The following SIRT2 variants were observed in gnomAD, a reference collection of about 807,000 sequenced individuals.
SIRT2 encodes the protein NAD-dependent protein deacetylase sirtuin-2.
Under a neutral mutation model 57.4 loss-of-function variants are expected in SIRT2, and 40 were observed. That is an observed-to-expected ratio of 0.70 (90% CI 0.54 to 0.91). The LOEUF (loss-of-function observed/expected upper bound fraction) is 0.91. Ranked by LOEUF, SIRT2 falls within the 40% of genes least tolerant of loss-of-function variation. The pLI, the probability that SIRT2 is intolerant of heterozygous loss-of-function variation, is 0.00. For synonymous variants in SIRT2, 161 were observed against 195.7 expected, an observed-to-expected ratio of 0.82 and a Z score of 1.48; for missense variants, 439 against 510.4, an observed-to-expected ratio of 0.86 and a Z score of 1.35.
intron 8 of SIRT2, among the ~76,000 whole-genome samples, chr19:38,886,383 CA>C (rs1973337759): frequency 2.0e-5 from 3 of 151,952 alleles, no homozygotes; most frequent in Admixed American, 6.6e-5. Flanking sequence ...GAACAGTAAG[CA>C]AATAACTGAA....
In SIRT2 at chr19:38,884,455, TG is replaced by T. The variant is rs1203111700; in HGVS notation, c.502-700del. 1.4e-3 allele frequency among the ~76,000 whole-genome samples: 220 copies of T among 152,044 alleles called. 1 individual carries two copies. The highest frequency in any genetic ancestry group is 4.4e-3 in the African/African-American group (184 of 41,506). On this transcript the variant is annotated intron_variant, in intron 8 of 15. Transcript: ENST00000249396. Reference sequence around the variant, plus strand: ...GGTGTGGTTTGTTTGTTTGTTTGTTTGTTTGTTTTTTGAGATGGAGTCTTGC... The same window carrying T: ...GGTGTGGTTTGTTTGTTTGTTTGTTTTTTGTTTTTTGAGATGGAGTCTTGC...
At chr19:38,883,884 G>C in intron 8 of SIRT2, 128 bp from the exon 9 acceptor site, 1 of 952,908 alleles carries the variant, frequency 1.0e-6, no homozygotes, top group Non-Finnish European at 1.6e-6. Flanking sequence ...AGGGAGGGAG[G>C]AGAAGCAAGT....
intron 2 of SIRT2, among the ~76,000 whole-genome samples, chr19:38,896,778 G>C (rs963361034): frequency 5.3e-5 from 8 of 152,188 alleles, no homozygotes; most frequent in African/African-American, 1.7e-4. Flanking sequence ...CCTTAGCAAA[G>C]CTCCACTGTG....
chr19:38,879,392 G>A, intron 15 of SIRT2, 42 bp downstream of exon 15: 1 of 1,595,092 alleles, frequency 6.3e-7, no homozygotes, highest in Non-Finnish European at 8.5e-7. Context: ...AGAGGGTCCA[G>A]GGATGGGGCT....
intron 9 of SIRT2, among the ~76,000 whole-genome samples, chr19:38,882,025 C>T (rs2144670289): frequency 6.6e-6 from 1 of 152,024 alleles, no homozygotes; most frequent in Non-Finnish European, 1.5e-5. Flanking sequence ...CAGGTTCTCA[C>T]TCTGTTGCCC....
chr19:38,889,103 A>G lies in SIRT2; in HGVS notation c.485T>C (p.Leu162Pro). 1 of 1,612,712 alleles carries G rather than the reference A, an allele frequency of 6.2e-7. No individual in the cohort carries two copies. Among genetic ancestry groups the G allele is most frequent in the Non-Finnish European group, 8.5e-7 (1 of 1,179,982 alleles). Reference sequence around the variant, plus strand: ...TCCGCCTACCTGCGTGTAGCAGCGCAGGAGTAGCCCCTTGTCCTTCAGCAG... The same window carrying G: ...TCCGCCTACCTGCGTGTAGCAGCGCGGGAGTAGCCCCTTGTCCTTCAGCAG... ...MRLLKDKGLLLRCYTQNIDTL... is the reference protein window; with the variant it reads ...MRLLKDKGLLPRCYTQNIDTL... Residue 162 changes from leucine (L) to proline (P), a missense_variant, in exon 8 of 16, where the codon CTG becomes CCG. Physicochemically the swap from Leu to Pro is moderately conservative, Grantham distance 98. Coordinates refer to ENST00000249396, the MANE Select transcript of SIRT2 (RefSeq NM_012237.4).
At chr19:38,896,730 C>T (rs1029533849) in intron 2 of SIRT2, among the ~76,000 whole-genome samples, 9 of 152,178 alleles carry the variant, frequency 5.9e-5, no homozygotes, top group East Asian at 1.9e-4. Context: ...GGGAGCCAGG[C>T]GAGTGAGTTG....
In SIRT2 at chr19:38,889,095, A is replaced by T. The variant is rs777682267; in HGVS notation, c.493T>A (p.Tyr165Asn). 1.9e-6 allele frequency: 3 copies of T among 1,612,098 alleles called. No homozygotes were observed. In the Admixed American group the frequency reaches 5.0e-5, roughly 27 times the overall value. ...TGCTCGCATCCGCCTACCTGCGTGT[A>T]GCAGCGCAGGAGTAGCCCCTTGTCC... The part of the protein sequence containing the change: ...LKDKGLLLRC[Y>N]TQNIDTLERI... The change falls in exon 8 of 16, where the codon TAC (tyrosine) becomes AAC (asparagine). Residue 165 changes from tyrosine to asparagine, a missense_variant. Physicochemically the swap from Tyr to Asn is moderately radical, Grantham distance 143. Transcript: ENST00000249396.
intron 8 of SIRT2, among the ~76,000 whole-genome samples, chr19:38,887,212 AC>A (rs1303475259): frequency 6.6e-6 from 1 of 152,062 alleles, no homozygotes; most frequent in Non-Finnish European, 1.5e-5. Flanking sequence ...GGGACCCATG[AC>A]CATCTTATAT....
At chr19:38,894,674 C>G (rs1022379523) in intron 2 of SIRT2, among the ~76,000 whole-genome samples, 4 of 152,084 alleles carry the variant, frequency 2.6e-5, no homozygotes, top group Non-Finnish European at 4.4e-5. Flanking sequence ...CTTCAAGGAC[C>G]TATGTGCCCC....
intron 7 of SIRT2, 148 bp downstream of exon 7, chr19:38,889,541 A>T: frequency 1.2e-6 from 1 of 838,342 alleles, no homozygotes; most frequent in Non-Finnish European, 1.9e-6. Context: ...AGACACGAGG[A>T]ACCAGGACTT....
chr19:38,899,413 C>T, intron 1 of SIRT2, 93 bp downstream of exon 1: 3 of 1,443,010 alleles, frequency 2.1e-6, no homozygotes, highest in Non-Finnish European at 2.9e-6. Context: ...CCCTACTTCC[C>T]GCCCCACCGC....
chr19:38,896,078 AAGAG>A (rs1226760179), intron 2 of SIRT2, among the ~76,000 whole-genome samples: 5 of 150,180 alleles, frequency 3.3e-5, no homozygotes, highest in South Asian at 2.1e-4. Flanking sequence ...CTCAAAAAAA[AAGAG>A]AGAGAGAAAG....
At chr19:38,890,497 C>A in intron 4 of SIRT2, 1 of 287,050 alleles carries the variant, frequency 3.5e-6, no homozygotes, top group South Asian at 4.4e-5. Flanking sequence ...TTGAGCCCAG[C>A]CTGGCCAACA....
chr19:38,880,886 C>T lies in SIRT2; in HGVS notation c.759G>A (p.Lys253=). 6.2e-7 allele frequency: 1 copy of T among 1,613,660 alleles called. No homozygotes were observed. Among genetic ancestry groups the T allele is most frequent in the African/African-American group, 1.3e-5 (1 of 75,028 alleles). The change falls in exon 12 of 16, where the codon AAG becomes AAA. Residue 253 remains lysine, a synonymous_variant. Coordinates refer to ENST00000249396, the MANE Select transcript of SIRT2 (RefSeq NM_012237.4). This position sits in a 1 kb window ranked among gnomAD's most constrained non-coding sequence, Gnocchi z 4.1. ...FFSCMQSDFL[K]VDLLLVMGTS... ...TACCCATGACCAGGAGGAGGTCCAC[C>T]TTCAGGAAGTCCTGCGGGGAGGGGC...
In SIRT2 at chr19:38,898,390, G is replaced by A; in HGVS notation, c.52C>T (p.Gln18Ter). ...HPLETQAGKV[Q>*]EAQDSDSDSE... ...TTCCCCCATCTCACCTGAGCCTCCT[G>A]CACCTTCCCTGCCTGGGTCTCCAGA... Residue 18 changes from glutamine to a stop codon, truncating the protein, a stop_gained, in exon 2 of 16, where the codon CAG becomes TAG. Transcript: ENST00000249396. LOFTEE classifies it high-confidence loss of function. The A allele has an allele frequency of 6.4e-7, 1 of 1,554,128 alleles. No individual in the cohort carries two copies. Among genetic ancestry groups the A allele is most frequent in the Non-Finnish European group, 8.8e-7 (1 of 1,142,610 alleles).
At chr19:38,894,794 A>T in intron 2 of SIRT2, 1 of 455,844 alleles carries the variant, frequency 2.2e-6, no homozygotes, top group East Asian at 7.0e-5. Context: ...GACTCTGTCC[A>T]GGGCCTCTCT....
At chr19:38,894,846 T>A (rs894980754) in intron 2 of SIRT2, 5 of 456,204 alleles carry the variant, frequency 1.1e-5, no homozygotes, top group African/African-American at 1.0e-4. Flanking sequence ...GTCTCATCCA[T>A]GCCAATGACC....
rs1973476084 is a variant in SIRT2, at chr19:38,889,966, G to T, written c.269-5C>A. On this transcript the variant is annotated splice_polypyrimidine_tract_variant and splice_region_variant and intron_variant, in intron 5 of 15. Coordinates refer to ENST00000249396, the MANE Select transcript of SIRT2 (RefSeq NM_012237.4). ...GAAAGTCGGGGATGCCTGCGGCTAGGAAAGGGGGGTCAGGGAGCAGTTGGT... is the reference window on the plus strand; with the variant it reads ...GAAAGTCGGGGATGCCTGCGGCTAGTAAAGGGGGGTCAGGGAGCAGTTGGT... 1.2e-6 allele frequency: 2 copies of T among 1,613,804 alleles called. No individual in the cohort carries two copies. Among genetic ancestry groups the T allele is most frequent in the Admixed American group, 1.7e-5 (1 of 60,014 alleles).
Sources: gnomAD v4.1 joint callset for allele counts (sites outside exome capture counted in the v4.1 genomes callset) on GRCh38, gnomAD v4.1.1 for gene constraint, Gnocchi (gnomAD v3.1) non-coding constraint, MANE v1.5 for transcripts, NCBI Gene and HGNC (gene_info 2026-07-23, HGNC 2026-07-21) for gene names.